The following SH3PXD2B variants were observed in gnomAD, a reference collection of about 807,000 sequenced individuals.
SH3PXD2B encodes SH3 and PX domains 2B.
Under a neutral mutation model 73.1 loss-of-function variants are expected in SH3PXD2B, and 37 were observed. The observed-to-expected ratio is 0.51, with a 90% CI of 0.39 to 0.67. The LOEUF is 0.67. Among genes scored for constraint, SH3PXD2B ranks in the 30% least tolerant of loss-of-function variants. SH3PXD2B has a pLI of 0.00. For missense variants in SH3PXD2B, 1,053 were observed against 1,197.8 expected, an observed-to-expected ratio of 0.88 and a Z score of 1.78; for synonymous variants, 457 against 480.5, an observed-to-expected ratio of 0.95 and a Z score of 0.64.
In SH3PXD2B at chr5:172,326,625, T is replaced by C. The variant is rs1197220407; in HGVS notation, c.1189-1245A>G. Among the ~76,000 whole-genome samples the C allele has an allele frequency of 2.6e-5, 4 of 152,162 alleles. No homozygotes were observed. In the East Asian group the frequency reaches 5.8e-4, roughly 22 times the overall value. On this transcript the variant is annotated intron_variant, in intron 12 of 12. Transcript: ENST00000519643. Reference sequence around the variant, plus strand: ...AATAATAAAATAGAAGATAAATATATACTAGGCAGGGGTTGTCAAGCTCTG... The same window carrying C: ...AATAATAAAATAGAAGATAAATATACACTAGGCAGGGGTTGTCAAGCTCTG...
At chr5:172,329,108 T>C (rs1581252399), downstream of SH3PXD2B, among the ~76,000 whole-genome samples, 1 of 119,150 alleles carries the variant, frequency 8.4e-6, no homozygotes, top group Non-Finnish European at 1.8e-5. Flanking sequence ...TGAGATGGAG[T>C]CTTGCTCTGT....
At chr5:172,426,462 C>A (rs1459255462) in intron 1 of SH3PXD2B, among the ~76,000 whole-genome samples, 1 of 152,246 alleles carries the variant, frequency 6.6e-6, no homozygotes, top group African/African-American at 2.4e-5. Flanking sequence ...CAACACCTGG[C>A]ACGCACTAGG....
At position 172,334,125 on chromosome 5, in the gene SH3PXD2B, C is replaced by T. The variant is rs912496800; in HGVS notation, c.*4244G>A. On this transcript the variant is annotated 3_prime_UTR_variant, in exon 13 of 13. Coordinates refer to ENST00000311601, the MANE Select transcript of SH3PXD2B (RefSeq NM_001017995.3). ...GAGCTAAGAAGGCTTACTTTGGAGT[C>T]GAGGATAGAAACGGGAAGATGGAAT... 16 of 1,103,140 alleles carry T rather than the reference C, an allele frequency of 1.5e-5. No individual in the cohort carries two copies. The highest frequency in any genetic ancestry group is 2.2e-5 in the South Asian group (1 of 44,662). The allele number at this position is 1,103,140 out of a possible 1,614,324, so 68.3% of individuals were successfully genotyped here. A position where few individuals can be genotyped will look rare whatever the true frequency, so the allele number is the denominator to read the frequency against.
intron 2 of SH3PXD2B, 37 bp from the exon 3 acceptor site, chr5:172,406,389 C>T (rs1238519917): frequency 1.3e-6 from 2 of 1,594,864 alleles, no homozygotes; most frequent in South Asian, 2.2e-5. Context: ...AAAAACCTTT[C>T]ATAATGCACT....
chr5:172,333,083 C>G (rs1215802472), downstream of SH3PXD2B, among the ~76,000 whole-genome samples: 1 of 138,940 alleles, frequency 7.2e-6, no homozygotes. Context: ...TTACAGGCGC[C>G]CGACACCACG....
intron 8 of SH3PXD2B, among the ~76,000 whole-genome samples, chr5:172,355,840 A>G (rs1489331229): frequency 6.6e-6 from 1 of 151,990 alleles, no homozygotes; most frequent in East Asian, 1.9e-4. Context: ...CAGCGCGCCC[A>G]GCCATGGATG....
chr5:172,373,913 C>G lies in SH3PXD2B; in HGVS notation c.402-98G>C, dbSNP rs543650856. ...CCGGGAAACTGAGATTCTCCACCCC[C>G]CACAACATCATCAGTGAATGAATAA... On this transcript the variant is annotated intron_variant, in intron 5 of 12. Transcript: ENST00000311601. 1.5e-5 allele frequency: 20 copies of G among 1,315,404 alleles called. No individual in the cohort carries two copies. The East Asian group carries it at 4.6e-4, about 30-fold the overall frequency. 81.5% of individuals were successfully genotyped at this position (1,315,404 alleles called of 1,614,324 possible).
At chr5:172,396,557 C>CA (rs1758302925) in intron 3 of SH3PXD2B, among the ~76,000 whole-genome samples, 1 of 146,998 alleles carries the variant, frequency 6.8e-6, no homozygotes, top group African/African-American at 2.5e-5. Context: ...TGCTCTGGTG[C>CA]AAAAGGACAC....
chr5:172,341,727 T>C (rs1756855936), intron 12 of SH3PXD2B, among the ~76,000 whole-genome samples: 1 of 152,216 alleles, frequency 6.6e-6, no homozygotes, highest in African/African-American at 2.4e-5. Flanking sequence ...CTCGGCTCAC[T>C]GCAGGCTCCG....
At chr5:172,395,379 G>A (rs187625144) in intron 3 of SH3PXD2B, among the ~76,000 whole-genome samples, 11 of 152,278 alleles carry the variant, frequency 7.2e-5, no homozygotes, top group South Asian at 2.1e-4. Context: ...GTTAGTGTTC[G>A]TAAGAGAAGG....
intron 1 of SH3PXD2B, among the ~76,000 whole-genome samples, chr5:172,441,326 CCTG>C (rs1216018135): frequency 1.4e-4 from 21 of 152,342 alleles, no homozygotes; most frequent in Middle Eastern, 3.4e-3. Flanking sequence ...GCCTCCAAAG[CCTG>C]CAGCTTAAAC....
At chr5:172,416,487 C>A (rs1355586274) in intron 2 of SH3PXD2B, among the ~76,000 whole-genome samples, 2 of 151,870 alleles carry the variant, frequency 1.3e-5, no homozygotes. Context: ...ACAACCACGC[C>A]CAGCTAGTTT....
At chr5:172,394,673 G>T in intron 3 of SH3PXD2B, 34 bp from the exon 4 acceptor site, 2 of 1,610,206 alleles carry the variant, frequency 1.2e-6, no homozygotes, top group South Asian at 2.2e-5. Context: ...AGTGTTGTCA[G>T]GGAACAGGGA....
rs1756727325 is a variant in SH3PXD2B, at chr5:172,337,381, C to T, written c.*988G>A. On this transcript the variant is annotated 3_prime_UTR_variant, in exon 13 of 13. Transcript: ENST00000311601. Reference sequence around the variant, plus strand: ...GACTCAAATCCTCTTCCCTCTTCCTCCTGGCTGGTGTGTCCTTGGGCACAT... The same window carrying T: ...GACTCAAATCCTCTTCCCTCTTCCTTCTGGCTGGTGTGTCCTTGGGCACAT... 1.0e-6 allele frequency: 1 copy of T among 983,700 alleles called. No homozygotes were observed. Among genetic ancestry groups the T allele is most frequent in the Non-Finnish European group, 1.2e-6 (1 of 828,372 alleles). The allele number at this position is 983,700 out of a possible 1,614,324, so 60.9% of individuals were successfully genotyped here.
intron 12 of SH3PXD2B, 89 bp downstream of exon 12, chr5:172,346,047 A>C: frequency 6.3e-7 from 1 of 1,577,644 alleles, no homozygotes; most frequent in Non-Finnish European, 8.7e-7. Flanking sequence ...CCACCCACCC[A>C]GTGAAGTAGG....
At chr5:172,363,695 G>A (rs917280188) in intron 6 of SH3PXD2B, among the ~76,000 whole-genome samples, 11 of 152,074 alleles carry the variant, frequency 7.2e-5, no homozygotes, top group South Asian at 2.1e-4. Context: ...TGGGGTCTTC[G>A]GGACTGGAAG....
chr5:172,429,503 G>A (rs1428430559), intron 1 of SH3PXD2B, among the ~76,000 whole-genome samples: 2 of 152,122 alleles, frequency 1.3e-5, no homozygotes, highest in East Asian at 3.9e-4. Flanking sequence ...GGGCCTGTGT[G>A]ATCTAACCAA....
rs1463653134 is a variant in SH3PXD2B at position 172,333,726 on chromosome 5, C to T, written c.*4643G>A. On this transcript the variant is annotated 3_prime_UTR_variant, in exon 13 of 13. Coordinates refer to ENST00000311601, the MANE Select transcript of SH3PXD2B (RefSeq NM_001017995.3). The stretch of plus-strand genomic sequence containing the variant: ...GAGTAAGTGTGGGGATCTCCAGCGT[C>T]ATCCTATGAGCAGACACGAGGTGGT... The T allele has an allele frequency of 3.9e-6, 5 of 1,289,524 alleles. No homozygotes were observed. Among genetic ancestry groups the T allele is most frequent in the Non-Finnish European group, 5.1e-6 (5 of 988,862 alleles). 79.9% of individuals were successfully genotyped at this position (1,289,524 alleles called of 1,614,324 possible).
At position 172,358,781 on chromosome 5, in the gene SH3PXD2B, G is replaced by A. The variant is rs756869968; in HGVS notation, c.659C>T (p.Pro220Leu). Residue 220 changes from proline (P) to leucine (L), a missense_variant, in exon 8 of 13, where the codon CCT becomes CTT. Pro to Leu is a moderately conservative substitution (Grantham distance 98). This residue lies in a region of SH3PXD2B where 466 missense variants were observed against 607.1 expected (regional missense o/e 0.77). Transcript: ENST00000311601. Reference sequence around the variant, plus strand: ...CTCGAGCTCCTCCCTACCTTCTTCAGGCTGCAGAGAAAACTCATCCTGCAC... The same window carrying A: ...CTCGAGCTCCTCCCTACCTTCTTCAAGCTGCAGAGAAAACTCATCCTGCAC... ...DGVQDEFSLQ[P>L]EEEEKYTVIY... is the part of the protein sequence containing the mutation. 6.2e-7 allele frequency: 1 copy of A among 1,612,282 alleles called. No individual in the cohort carries two copies. Among genetic ancestry groups the A allele is most frequent in the East Asian group, 2.2e-5 (1 of 44,792 alleles).
Sources: gnomAD v4.1 joint callset for allele counts (sites outside exome capture counted in the v4.1 genomes callset) on GRCh38, gnomAD v4.1.1 for gene constraint, gnomAD v4.1.1 regional missense constraint, MANE v1.5 for transcripts, NCBI Gene and HGNC (gene_info 2026-07-23, HGNC 2026-07-21) for gene names.